The following CTBP2 variants were observed in gnomAD, a reference collection of about 807,000 sequenced individuals.
The protein encoded by CTBP2 is C-terminal-binding protein 2.
In CTBP2, 30 loss-of-function variants were observed where a neutral mutation model predicts 80.3. The observed-to-expected ratio is 0.37, with a 90% CI of 0.28 to 0.51. The LOEUF is 0.51. Among genes scored for constraint, CTBP2 ranks in the 20% least tolerant of loss-of-function variants. The pLI is 0.93. For missense variants in CTBP2, 1,212 were observed against 1,375.3 expected (o/e 0.88, Z 1.88); for synonymous variants, 594 against 587.4 (o/e 1.01, Z -0.16).
rs950645072 is a variant in CTBP2 at position 125,027,982 on chromosome 10, G to A, written c.-223C>T. The stretch of plus-strand genomic sequence containing the variant: ...CGGTAACTTTGCCTCACTCCCCAAC[G>A]ATAGCCAGAGAGGTCTGTTCCTTAC... On this transcript the variant is annotated 5_prime_UTR_variant, in exon 1 of 9. Transcript: ENST00000309035. The A allele has an allele frequency of 1.3e-5, 17 of 1,294,922 alleles. No individual in the cohort carries two copies. Among genetic ancestry groups the A allele is most frequent in the Admixed American group, 3.2e-5 (1 of 31,446 alleles). 80.2% of individuals were successfully genotyped at this position (1,294,922 alleles called of 1,614,324 possible).
chr10:125,121,615 G>A (rs1008437968), intron 1 of CTBP2, among the ~76,000 whole-genome samples: 1 of 152,196 alleles, frequency 6.6e-6, no homozygotes, highest in Admixed American at 6.5e-5. Flanking sequence ...ACACAGCCAT[G>A]AAGGAAGCAC....
chr10:125,133,704 G>A (rs1412377478), intron 1 of CTBP2: 1 of 152,198 alleles, frequency 6.6e-6, no homozygotes, highest in Admixed American at 6.5e-5. Context: ...GGCTAGTCTA[G>A]TCTTTTGAAA....
intron 4 of CTBP2, chr10:124,996,561 G>A (rs1451901628): frequency 6.6e-6 from 1 of 152,326 alleles, no homozygotes; most frequent in Non-Finnish European, 1.5e-5. Flanking sequence ...TATACACCGA[G>A]AGGGTTTTTA....
In CTBP2 at chr10:124,986,066, G is replaced by A. The variant is rs1213722480; in HGVS notation, c.*3452C>T. The A allele has an allele frequency of 2.0e-5, 3 of 152,534 alleles. No individual in the cohort carries two copies. The highest frequency in any genetic ancestry group is 7.2e-5 in the African/African-American group (3 of 41,432). The allele number at this position is 152,534 out of a possible 1,614,324, so 9.4% of individuals were successfully genotyped here. On this transcript the variant is annotated 3_prime_UTR_variant, in exon 9 of 9. Transcript: ENST00000309035. ...TTTAGTCTGAGAATTTTTGCATGTT[G>A]GTTAATTGTGGCCATTCTTTAATTT...
At chr10:125,050,895 G>A (rs917732483) in intron 2 of CTBP2, among the ~76,000 whole-genome samples, 3 of 152,136 alleles carry the variant, frequency 2.0e-5, no homozygotes, top group African/African-American at 4.8e-5. Flanking sequence ...TAATGAACTG[G>A]GGTCCTCACA....
At chr10:124,989,726 G>T (rs532717898) in intron 8 of CTBP2, 28 bp from the exon 11 acceptor site, 6 of 1,532,682 alleles carry the variant, frequency 3.9e-6, no homozygotes, top group East Asian at 4.5e-5. Context: ...ATAGGGCCTT[G>T]TAAGTTCAGG....
chr10:125,084,348 CCTT>C (rs1166842225), intron 2 of CTBP2, among the ~76,000 whole-genome samples: 14 of 152,208 alleles, frequency 9.2e-5, no homozygotes, highest in African/African-American at 2.9e-4. Context: ...GTCCAGTCAT[CCTT>C]CTATTTCGAG....
chr10:125,152,065 G>A (rs1414961668), intron 1 of CTBP2, among the ~76,000 whole-genome samples: 2 of 152,018 alleles, frequency 1.3e-5, no homozygotes, highest in Non-Finnish European at 2.9e-5. Context: ...CCAGGGTGGG[G>A]CCGCCAAGTG....
At chr10:125,089,049 T>C (rs1283501841) in intron 2 of CTBP2, among the ~76,000 whole-genome samples, 1 of 152,210 alleles carries the variant, frequency 6.6e-6, no homozygotes, top group Non-Finnish European at 1.5e-5. Context: ...ACAAAAGCCA[T>C]GTTCTAATTT....
intron 7 of CTBP2, 44 bp from the exon 10 acceptor site, chr10:124,992,856 C>T: frequency 6.9e-7 from 1 of 1,458,514 alleles, no homozygotes. Context: ...TTTTACAAAT[C>T]ACAGTAAGTT....
chr10:124,988,073 T>C lies in CTBP2; in HGVS notation c.*1445A>G, dbSNP rs1564976042. 6.5e-6 allele frequency: 1 copy of C among 152,718 alleles called. No homozygotes were observed. Among genetic ancestry groups the C allele is most frequent in the South Asian group, 2.1e-4 (1 of 4,826 alleles). The allele number at this position is 152,718 out of a possible 1,614,324, so 9.5% of individuals were successfully genotyped here. The stretch of plus-strand genomic sequence containing the variant: ...TCTAAAAGTTGAGCAACTTTGTTTT[T>C]TTTTGAATTGATTTAGCACTAACCC... On this transcript the variant is annotated 3_prime_UTR_variant, in exon 9 of 9. Transcript: ENST00000309035.
intron 1 of CTBP2, among the ~76,000 whole-genome samples, chr10:125,156,403 A>C (rs766934466): frequency 2.0e-5 from 3 of 152,206 alleles, no homozygotes; most frequent in Non-Finnish European, 4.4e-5. Context: ...AAACTCTTTA[A>C]ATTTTTTCCA....
intron 3 of CTBP2, chr10:125,000,443 T>A (rs909711278): frequency 1.3e-5 from 2 of 152,078 alleles, no homozygotes; most frequent in Non-Finnish European, 2.9e-5. Flanking sequence ...AAGCTGCTTT[T>A]CTCTCACGGT....
chr10:125,002,556 T>G (rs1433286845), intron 3 of CTBP2, among the ~76,000 whole-genome samples: 1 of 152,154 alleles, frequency 6.6e-6, no homozygotes, highest in Non-Finnish European at 1.5e-5. Context: ...CCTAGAGCTG[T>G]GCACACGGCA....
chr10:125,117,776 T>C (rs540285691), intron 1 of CTBP2, among the ~76,000 whole-genome samples: 65 of 152,246 alleles, frequency 4.3e-4, no homozygotes, highest in African/African-American at 1.5e-3. Context: ...TTGGAAACAA[T>C]TATCCTTTAT....
chr10:124,989,769 C>T, intron 8 of CTBP2, 71 bp from the exon 11 acceptor site: 1 of 1,421,552 alleles, frequency 7.0e-7, no homozygotes, highest in East Asian at 2.4e-5. Context: ...TCTTCTACTT[C>T]TGGCCTTTTC....
rs762018636 is a variant in CTBP2, at chr10:125,026,598, C to A, written c.1162G>T (p.Ala388Ser). The change falls in exon 1 of 9, where the codon GCT becomes TCT. Residue 388 changes from alanine to serine, a missense_variant. This residue lies in a region of CTBP2 where 848 missense variants were observed against 782.3 expected (regional missense o/e 1.08). Coordinates refer to ENST00000309035, the MANE Select transcript of CTBP2 (RefSeq NM_022802.3). ...GATGCTGTCTGCAGAGGAGCCGCAG[C>A]GCCCAGAGAAGCCAAGTCACCATGG... The A allele has an allele frequency of 7.7e-7, 1 of 1,303,344 alleles. No homozygotes were observed. The highest frequency in any genetic ancestry group is 1.0e-6 in the Non-Finnish European group (1 of 952,768). The allele number at this position is 1,303,344 out of a possible 1,614,324, so 80.7% of individuals were successfully genotyped here. A position where few individuals can be genotyped will look rare whatever the true frequency, so the allele number is the denominator to read the frequency against.
intron 2 of CTBP2, among the ~76,000 whole-genome samples, chr10:125,056,066 A>G (rs1473616991): frequency 6.6e-6 from 1 of 152,066 alleles, no homozygotes; most frequent in Non-Finnish European, 1.5e-5. Context: ...TCAGGAGGCT[A>G]AGGCAGGAGA....
In CTBP2 at chr10:125,005,687, C is replaced by T. The variant is rs753056799; in HGVS notation, c.1679-2195G>A. The T allele has an allele frequency of 1.2e-5, 19 of 1,612,828 alleles. No individual in the cohort carries two copies. In the East Asian group the frequency reaches 1.8e-4, roughly 15 times the overall value. The stretch of plus-strand genomic sequence containing the variant: ...TGGCTCCCACCTGGGCTCCTGTTTT[C>T]TGCTAAGAAAATGGTACAACTGCCA... On this transcript the variant is annotated intron_variant, in intron 1 of 8. Coordinates refer to ENST00000309035, the MANE Select transcript of CTBP2 (RefSeq NM_022802.3).
Sources: gnomAD v4.1 joint callset for allele counts (sites outside exome capture counted in the v4.1 genomes callset) on GRCh38, gnomAD v4.1.1 for gene constraint, gnomAD v4.1.1 regional missense constraint, MANE v1.5 for transcripts, NCBI Gene and HGNC (gene_info 2026-07-23, HGNC 2026-07-21) for gene names.